The following TNRC6A variants were observed in gnomAD, a reference collection of about 807,000 sequenced individuals.
TNRC6A encodes trinucleotide repeat-containing gene 6A protein.
Under a neutral mutation model 221.2 loss-of-function variants are expected in TNRC6A, and 44 were observed. That is an observed-to-expected ratio of 0.20 (90% CI 0.16 to 0.26). The LOEUF (loss-of-function observed/expected upper bound fraction) is 0.26. Among genes scored for constraint, TNRC6A ranks in the 10% least tolerant of loss-of-function variants. The pLI is 1.00. For missense variants in TNRC6A, 2,199 were observed against 2,404.4 expected, an observed-to-expected ratio of 0.91 and a Z score of 1.79; for synonymous variants, 847 against 838.5, an observed-to-expected ratio of 1.01 and a Z score of -0.18.
chr16:24,622,109 G>C (rs965567858), intron 1 of TNRC6A, among the ~76,000 whole-genome samples: 1 of 151,136 alleles, frequency 6.6e-6, no homozygotes, highest in East Asian at 1.9e-4. Context: ...GTTTTTTCCC[G>C]AACCAAGTAC....
chr16:24,680,375 C>G (rs960078200), intron 2 of TNRC6A, among the ~76,000 whole-genome samples: 3 of 151,494 alleles, frequency 2.0e-5, no homozygotes, highest in Admixed American at 6.6e-5. Flanking sequence ...GAGCCATGAT[C>G]ACACCACTGT....
Position 24,729,679 on chromosome 16 carries a change from C to A in TNRC6A, c.-163C>A. 1 of 737,350 alleles carries A rather than the reference C, an allele frequency of 1.4e-6. No individual in the cohort carries two copies. The highest frequency in any genetic ancestry group is 1.8e-6 in the Non-Finnish European group (1 of 548,970). The allele number at this position is 737,350 out of a possible 1,614,324, so 45.7% of individuals were successfully genotyped here. On this transcript the variant is annotated 5_prime_UTR_variant, in exon 1 of 25. Transcript: ENST00000395799. ...TCCGGTCTGGGGCCTGCGGCGGCGG[C>A]GGTGTCGGCGGCGGCGGCGGCGGCG...
chr16:24,700,238 T>A (rs2055942856), intron 2 of TNRC6A, among the ~76,000 whole-genome samples: 1 of 151,724 alleles, frequency 6.6e-6, no homozygotes, highest in South Asian at 2.1e-4. Flanking sequence ...GTGTCTGAAT[T>A]TTTCTTTTTT....
Position 24,729,666 on chromosome 16 carries a change from CCTGCGGCGGCGGCGGTGTCGG to C in TNRC6A, c.-174_-154del, listed in dbSNP as rs1191397761. 9.4e-6 allele frequency: 6 copies of C among 637,342 alleles called. No individual in the cohort carries two copies. Among genetic ancestry groups the C allele is most frequent in the Admixed American group, 4.7e-5 (1 of 21,450 alleles). 39.5% of individuals were successfully genotyped at this position (637,342 alleles called of 1,614,324 possible). On this transcript the variant is annotated 5_prime_UTR_variant, in exon 1 of 25. Transcript: ENST00000395799. The stretch of plus-strand genomic sequence containing the variant: ...TGGGGCATTCACTTCCGGTCTGGGG[CCTGCGGCGGCGGCGGTGTCGG>C]CGGCGGCGGCGGCGGCGGCGGCGGC...
At chr16:24,636,864 T>C (rs1438175679) in intron 1 of TNRC6A, among the ~76,000 whole-genome samples, 1 of 152,220 alleles carries the variant, frequency 6.6e-6, no homozygotes, top group East Asian at 1.9e-4. Flanking sequence ...TTTTTAACTT[T>C]TAATTGTCAT....
At chr16:24,816,698 G>A (rs1395109190) in intron 19 of TNRC6A, 118 bp from the exon 20 acceptor site, 1 of 1,215,424 alleles carries the variant, frequency 8.2e-7, no homozygotes, top group Admixed American at 2.6e-5. Flanking sequence ...GAGTATTAGT[G>A]TAAATTGGAA....
chr16:24,750,963 A>T (rs1467222762), intron 3 of TNRC6A, 150 bp downstream of exon 3: 1 of 732,902 alleles, frequency 1.4e-6, no homozygotes, highest in Non-Finnish European at 2.0e-6. Context: ...GAATATGCAT[A>T]TAAAGTAACT....
At chr16:24,623,233 CTG>C (rs1272127187) in intron 1 of TNRC6A, among the ~76,000 whole-genome samples, 2 of 151,542 alleles carry the variant, frequency 1.3e-5, no homozygotes, top group Admixed American at 6.6e-5. Context: ...GAGTCTCCTT[CTG>C]TCGCCCAGGC....
At chr16:24,729,963 G>A (rs991055991) in intron 1 of TNRC6A, 117 bp downstream of exon 1, 2 of 984,078 alleles carry the variant, frequency 2.0e-6, no homozygotes, top group African/African-American at 3.5e-5. Flanking sequence ...GAGACTTCGG[G>A]CCTCGGCGGG....
chr16:24,747,112 C>G (rs890842081), intron 2 of TNRC6A, among the ~76,000 whole-genome samples: 1 of 152,002 alleles, frequency 6.6e-6, no homozygotes, highest in Admixed American at 6.6e-5. Flanking sequence ...TTTTTCAGAT[C>G]GAGATATTGC....
At chr16:24,682,033 G>A (rs1029915136) in intron 2 of TNRC6A, among the ~76,000 whole-genome samples, 2 of 152,164 alleles carry the variant, frequency 1.3e-5, no homozygotes, top group Non-Finnish European at 2.9e-5. Context: ...CATCTCTGAT[G>A]TAAGTTGTGA....
intron 2 of TNRC6A, among the ~76,000 whole-genome samples, chr16:24,696,561 T>C (rs995685215): frequency 6.7e-6 from 1 of 149,714 alleles, no homozygotes; most frequent in African/African-American, 2.5e-5. Flanking sequence ...TGAGACTCTG[T>C]GTCTACAAAA....
In TNRC6A at chr16:24,800,477, G is replaced by A. The variant is rs969669160; in HGVS notation, c.3694+2511G>A. On this transcript the variant is annotated intron_variant, in intron 11 of 24. Transcript: ENST00000395799. ...CCTCTGCTGTGACATGAGCTCCTCA[G>A]TAAGACATGATGGCTGTGAAGAGTG... Among the ~76,000 whole-genome samples the A allele has an allele frequency of 3.3e-5, 5 of 152,322 alleles. No homozygotes were observed. In the East Asian group the frequency reaches 9.6e-4, roughly 29 times the overall value.
At chr16:24,782,191 G>T (rs1372009349) in intron 5 of TNRC6A, among the ~76,000 whole-genome samples, 2 of 152,252 alleles carry the variant, frequency 1.3e-5, no homozygotes, top group East Asian at 1.9e-4. Flanking sequence ...GCAACAAGTT[G>T]CCCTGGTTGA....
chr16:24,626,554 G>A (rs1408658131), intron 1 of TNRC6A, among the ~76,000 whole-genome samples: 1 of 151,442 alleles, frequency 6.6e-6, no homozygotes, highest in African/African-American at 2.4e-5. Flanking sequence ...GAAATCTGAT[G>A]AAATCGTAGC....
chr16:24,710,307 A>G (rs2056181022), intron 2 of TNRC6A, among the ~76,000 whole-genome samples: 1 of 151,746 alleles, frequency 6.6e-6, no homozygotes. Flanking sequence ...TCAACAAAAT[A>G]AGAGTTCATT....
chr16:24,613,591 G>A (rs1047129192), intron 1 of TNRC6A, among the ~76,000 whole-genome samples: 4 of 151,096 alleles, frequency 2.6e-5, no homozygotes, highest in African/African-American at 7.3e-5. Flanking sequence ...GCAGTTGTTC[G>A]ATCTCGGGTC....
intron 4 of TNRC6A, among the ~76,000 whole-genome samples, chr16:24,764,335 T>C (rs1015326619): frequency 7.2e-5 from 11 of 151,850 alleles, no homozygotes; most frequent in South Asian, 6.3e-4. Flanking sequence ...CTTTTCTTTT[T>C]TTTTTTTTTG....
At chr16:24,714,558 G>GCCT (rs1331979633) in intron 2 of TNRC6A, among the ~76,000 whole-genome samples, 1 of 151,868 alleles carries the variant, frequency 6.6e-6, no homozygotes, top group Non-Finnish European at 1.5e-5. Context: ...ACCTGCCTTG[G>GCCT]CCTCCCAAAG....
Sources: allele counts gnomAD v4.1 joint callset (sites outside exome capture counted in the v4.1 genomes callset), GRCh38; gene constraint gnomAD v4.1.1; transcripts MANE v1.5; gene names NCBI Gene and HGNC (gene_info 2026-07-23, HGNC 2026-07-21).